NHEJ1: variants seen among roughly 807,000 people sequenced by gnomAD.
NHEJ1 encodes non-homologous end joining factor 1, also known as non-homologous end-joining factor 1.
Under a neutral mutation model 39.4 loss-of-function variants are expected in NHEJ1, and 22 were observed. That is an observed-to-expected ratio of 0.56 (90% CI 0.40 to 0.80). The LOEUF (loss-of-function observed/expected upper bound fraction) is 0.80. Among genes scored for constraint, NHEJ1 ranks in the 30% least tolerant of loss-of-function variants. NHEJ1 has a pLI of 0.00. For synonymous variants in NHEJ1, 154 were observed against 135.6 expected, an observed-to-expected ratio of 1.14 and a Z score of -0.94; for missense variants, 329 against 357.1, an observed-to-expected ratio of 0.92 and a Z score of 0.63.
At chr2:219,085,874 G>A (rs191403436) in intron 5 of NHEJ1, among the ~76,000 whole-genome samples, 1 of 152,094 alleles carries the variant, frequency 6.6e-6, no homozygotes, top group Non-Finnish European at 1.5e-5. Context: ...TCTCTCTCAC[G>A]ATGCTGGACA....
At chr2:219,153,319 A>C (rs1254542678) in intron 3 of NHEJ1, among the ~76,000 whole-genome samples, 1 of 152,226 alleles carries the variant, frequency 6.6e-6, no homozygotes, top group Non-Finnish European at 1.5e-5. Flanking sequence ...AAAGAGGTGG[A>C]GTTGAGTTAC....
At chr2:219,154,818 C>T (rs1949834458) in intron 3 of NHEJ1, among the ~76,000 whole-genome samples, 1 of 149,594 alleles carries the variant, frequency 6.7e-6, no homozygotes, top group South Asian at 2.1e-4. Context: ...AGAAATTTGC[C>T]TAGAATAGCT....
At chr2:219,156,844 T>C (rs1256628479) in intron 3 of NHEJ1, among the ~76,000 whole-genome samples, 1 of 152,242 alleles carries the variant, frequency 6.6e-6, no homozygotes, top group Non-Finnish European at 1.5e-5. Context: ...TAAATTCCTG[T>C]TTAAAGTTTT....
At chr2:219,102,953 C>T (rs1460471228) in intron 5 of NHEJ1, among the ~76,000 whole-genome samples, 3 of 127,754 alleles carry the variant, frequency 2.3e-5, no homozygotes, top group African/African-American at 9.3e-5. Context: ...TGCAGTGAGC[C>T]GAGATCCCGC....
At chr2:219,098,436 T>TC (rs1949227880) in intron 5 of NHEJ1, among the ~76,000 whole-genome samples, 1 of 152,184 alleles carries the variant, frequency 6.6e-6, no homozygotes, top group Non-Finnish European at 1.5e-5. Context: ...AGATAGAATC[T>TC]AATGCACAAA....
chr2:219,153,691 A>AGGG (rs1375174428), intron 3 of NHEJ1, among the ~76,000 whole-genome samples: 7 of 20,388 alleles, frequency 3.4e-4, no homozygotes, highest in East Asian at 5.1e-3. Flanking sequence ...AAAGAAAGAA[A>AGGG]AGGGGGGGGG....
chr2:219,153,384 TG>T (rs1370398833), intron 3 of NHEJ1, among the ~76,000 whole-genome samples: 1 of 152,192 alleles, frequency 6.6e-6, no homozygotes, highest in African/African-American at 2.4e-5. Context: ...AAGAAACCTT[TG>T]GATATAGCTC....
intron 5 of NHEJ1, among the ~76,000 whole-genome samples, chr2:219,121,949 AT>A (rs1205472766): frequency 6.6e-6 from 1 of 152,222 alleles, no homozygotes; most frequent in Non-Finnish European, 1.5e-5. Flanking sequence ...AATTATATTC[AT>A]CTTTTTAAAT....
At chr2:219,152,235 T>C (rs1163987748) in intron 3 of NHEJ1, among the ~76,000 whole-genome samples, 2 of 151,860 alleles carry the variant, frequency 1.3e-5, no homozygotes, top group Non-Finnish European at 2.9e-5. Flanking sequence ...CAAACAGGAG[T>C]TGCTAATCTT....
intron 5 of NHEJ1, chr2:219,095,312 G>T (rs1949197694): frequency 2.1e-6 from 1 of 470,878 alleles, no homozygotes; most frequent in Non-Finnish European, 4.4e-6. Flanking sequence ...TAGAGTTCTA[G>T]GCCAATATGC....
chr2:219,157,991 TCACACA>T lies in NHEJ1; in HGVS notation c.177+189_177+194del, dbSNP rs58103413. 0.29 allele frequency among the ~76,000 whole-genome samples: 28,294 copies of T among 98,180 alleles called. 3,487 individuals are homozygous for T. The highest frequency in any genetic ancestry group is 0.53 in the East Asian group (2,072 of 3,936). The allele number at this position is 98,180 out of a possible 152,430, so 64.4% of individuals were successfully genotyped here. On this transcript the variant is annotated intron_variant, in intron 2 of 7. Transcript: ENST00000356853. ...CTTTCTTTCTCTCTCTCTCTCTCTC[TCACACA>T]CACACACACACACACACACACACAC... is the stretch of plus-strand genomic sequence containing the variant.
chr2:219,078,297 A>G, intron 5 of NHEJ1, 91 bp from the exon 6 acceptor site: 1 of 1,085,720 alleles, frequency 9.2e-7, no homozygotes, highest in East Asian at 2.4e-5. Context: ...ATCAACCCCA[A>G]ATGAATTAAT....
At chr2:219,090,056 A>G (rs1242618861) in intron 5 of NHEJ1, among the ~76,000 whole-genome samples, 1 of 152,172 alleles carries the variant, frequency 6.6e-6, no homozygotes, top group Admixed American at 6.5e-5. Context: ...CAAGTGACTT[A>G]ATTTTTTGAG....
At chr2:219,122,857 C>G (rs575280460) in intron 5 of NHEJ1, among the ~76,000 whole-genome samples, 69 of 152,312 alleles carry the variant, frequency 4.5e-4, no homozygotes, top group African/African-American at 1.6e-3. Flanking sequence ...TAATATTAAC[C>G]TTGGCTAGGC....
intron 5 of NHEJ1, among the ~76,000 whole-genome samples, chr2:219,129,158 C>T (rs562001230): frequency 6.6e-6 from 1 of 152,214 alleles, no homozygotes; most frequent in African/African-American, 2.4e-5. Context: ...AACAGACTTA[C>T]TTGATTGCAT....
At chr2:219,121,166 A>T (rs2106345063) in intron 5 of NHEJ1, among the ~76,000 whole-genome samples, 1 of 152,008 alleles carries the variant, frequency 6.6e-6, no homozygotes, top group East Asian at 1.9e-4. Context: ...AGAATGCGCC[A>T]TTGCACTCCA....
chr2:219,160,519 A>G (rs1949923199), intron 1 of NHEJ1: 1 of 152,072 alleles, frequency 6.6e-6, no homozygotes, highest in Admixed American at 6.5e-5. Flanking sequence ...CCTTCACTCG[A>G]GCCCTACCAT....
chr2:219,097,273 G>A (rs1210602915), intron 5 of NHEJ1, among the ~76,000 whole-genome samples: 1 of 152,160 alleles, frequency 6.6e-6, no homozygotes, highest in African/African-American at 2.4e-5. Flanking sequence ...ATCTGTATAG[G>A]AGAACAAGGA....
intron 5 of NHEJ1, among the ~76,000 whole-genome samples, chr2:219,117,729 G>A (rs968468392): frequency 6.6e-6 from 1 of 152,220 alleles, no homozygotes; most frequent in Admixed American, 6.5e-5. Flanking sequence ...GGGTCTGAAA[G>A]CTGGCTTCAT....
Sources: gnomAD v4.1 joint callset for allele counts (sites outside exome capture counted in the v4.1 genomes callset) on GRCh38, gnomAD v4.1.1 for gene constraint, MANE v1.5 for transcripts, NCBI Gene and HGNC (gene_info 2026-07-23, HGNC 2026-07-21) for gene names.